Variants in SSBP2 observed in about 807,000 individuals in gnomAD.
The protein encoded by SSBP2 is single stranded DNA binding protein 2.
Under a neutral mutation model 61.8 loss-of-function variants are expected in SSBP2, and 17 were observed. The ratio of observed to expected loss-of-function variants is 0.28; its 90% CI spans 0.19 to 0.41. The LOEUF (loss-of-function observed/expected upper bound fraction) is 0.41, where lower values mean the gene tolerates loss of function less well. Ranked by LOEUF, SSBP2 falls within the 10% of genes least tolerant of loss-of-function variation. The probability of loss-of-function intolerance (pLI) is 1.00; values close to 1 mark genes in which losing one functional copy is unlikely to be tolerated. For missense variants in SSBP2, 310 were observed against 458.7 expected, an observed-to-expected ratio of 0.68 and a Z score of 2.96; for synonymous variants, 139 against 141.3, an observed-to-expected ratio of 0.98 and a Z score of 0.12.
At position 81,416,899 on chromosome 5, in the gene SSBP2, T is replaced by C. The variant is rs1453105867; in HGVS notation, c.*3605A>G. The C allele has an allele frequency of 6.6e-6, 1 of 152,256 alleles. No homozygotes were observed. The allele number at this position is 152,256 out of a possible 1,614,324, so 9.4% of individuals were successfully genotyped here. A position where few individuals can be genotyped will look rare whatever the true frequency, so the allele number is the denominator to read the frequency against. On this transcript the variant is annotated 3_prime_UTR_variant, in exon 17 of 17. Transcript: ENST00000320672. The stretch of plus-strand genomic sequence containing the variant: ...ATTTTTGAGATGGAGTCTTGCTCTG[T>C]CACCCAGGCTGGAGTGCAGTGGCAC...
intron 1 of SSBP2, among the ~76,000 whole-genome samples, chr5:81,671,629 A>C (rs565593200): frequency 4.8e-4 from 73 of 152,292 alleles, no homozygotes; most frequent in Middle Eastern, 3.4e-3. Context: ...CACCATCAAC[A>C]GTTTAGTAAG....
chr5:81,433,592 T>TAAAAAAAA (rs532034844), intron 15 of SSBP2, among the ~76,000 whole-genome samples: 1 of 104,000 alleles, frequency 9.6e-6, no homozygotes, highest in African/African-American at 3.3e-5. Context: ...GAATGATCAA[T>TAAAAAAAA]AAAAAAAAAA....
chr5:81,549,276 A>T (rs573212523), intron 4 of SSBP2, among the ~76,000 whole-genome samples: 1 of 152,172 alleles, frequency 6.6e-6, no homozygotes, highest in Non-Finnish European at 1.5e-5. Flanking sequence ...CTTTCTCTTC[A>T]TCAATCAATC....
chr5:81,725,440 G>T (rs751700857), intron 1 of SSBP2, among the ~76,000 whole-genome samples: 1 of 152,078 alleles, frequency 6.6e-6, no homozygotes, highest in Non-Finnish European at 1.5e-5. Context: ...CAGACATTCT[G>T]GAAATCAAGT....
At chr5:81,665,597 G>A (rs935818881) in intron 1 of SSBP2, among the ~76,000 whole-genome samples, 9 of 152,120 alleles carry the variant, frequency 5.9e-5, no homozygotes, top group East Asian at 1.9e-4. Flanking sequence ...AGGTTCAAGC[G>A]ATCCTCCTGC....
At chr5:81,511,468 A>G (rs1479274020) in intron 5 of SSBP2, among the ~76,000 whole-genome samples, 2 of 152,168 alleles carry the variant, frequency 1.3e-5, no homozygotes, top group Non-Finnish European at 2.9e-5. Context: ...GCTATAGCAT[A>G]TCTTTTCAAT....
At chr5:81,744,664 T>C (rs183320904) in intron 1 of SSBP2, among the ~76,000 whole-genome samples, 1 of 152,106 alleles carries the variant, frequency 6.6e-6, no homozygotes, top group East Asian at 1.9e-4. Context: ...TTTTCTGTGC[T>C]GAACTACTTG....
intron 4 of SSBP2, among the ~76,000 whole-genome samples, chr5:81,567,607 A>G (rs534382982): frequency 1.2e-4 from 17 of 140,356 alleles, no homozygotes; most frequent in Non-Finnish European, 2.4e-4. Flanking sequence ...ACCTATGAGA[A>G]GAAGGCCACC....
intron 1 of SSBP2, among the ~76,000 whole-genome samples, chr5:81,704,908 C>T (rs1176570360): frequency 6.7e-6 from 1 of 150,028 alleles, no homozygotes; most frequent in African/African-American, 2.5e-5. Flanking sequence ...GAATATTTAA[C>T]GTGTTAATCT....
chr5:81,545,335 T>C (rs774636602), intron 4 of SSBP2, among the ~76,000 whole-genome samples: 6 of 152,208 alleles, frequency 3.9e-5, no homozygotes, highest in Non-Finnish European at 8.8e-5. Flanking sequence ...AATAAACTTT[T>C]ATTGTATTAA....
chr5:81,619,588 T>A (rs573182056), intron 3 of SSBP2, among the ~76,000 whole-genome samples: 1 of 148,208 alleles, frequency 6.7e-6, no homozygotes, highest in Admixed American at 6.7e-5. Context: ...GAGGGAATCC[T>A]CCCTAACTCA....
chr5:81,639,656 C>T (rs1208376957), intron 2 of SSBP2, among the ~76,000 whole-genome samples: 1 of 151,838 alleles, frequency 6.6e-6, no homozygotes, highest in Non-Finnish European at 1.5e-5. Context: ...TAAGTATATG[C>T]CTTAGTTTTT....
intron 4 of SSBP2, among the ~76,000 whole-genome samples, chr5:81,603,031 C>T (rs991422388): frequency 6.6e-6 from 1 of 152,178 alleles, no homozygotes; most frequent in Non-Finnish European, 1.5e-5. Context: ...AGCAACACCC[C>T]ACTTCCAATA....
At chr5:81,603,618 A>T (rs1744596920) in intron 4 of SSBP2, among the ~76,000 whole-genome samples, 1 of 152,228 alleles carries the variant, frequency 6.6e-6, no homozygotes, top group South Asian at 2.1e-4. Context: ...GGCTCAAGGT[A>T]AAAACTGTTG....
At chr5:81,550,175 A>G (rs1772061961) in intron 4 of SSBP2, among the ~76,000 whole-genome samples, 1 of 152,252 alleles carries the variant, frequency 6.6e-6, no homozygotes, top group Non-Finnish European at 1.5e-5. Flanking sequence ...GTAATTAACT[A>G]TATTTTATGC....
Position 81,449,196 on chromosome 5 carries a change from T to C in SSBP2, c.688-371A>G, listed in dbSNP as rs1304735300. Reference sequence around the variant, plus strand: ...AAATTAGTAGTATTTACACATACAATTTCTAAGCTATGCAAAAAAAGTTTG... The same window carrying C: ...AAATTAGTAGTATTTACACATACAACTTCTAAGCTATGCAAAAAAAGTTTG... On this transcript the variant is annotated intron_variant, in intron 10 of 16. Transcript: ENST00000320672. 2.0e-5 allele frequency among the ~76,000 whole-genome samples: 3 copies of C among 152,188 alleles called. No individual in the cohort carries two copies. In the East Asian group the frequency reaches 5.8e-4, roughly 29 times the overall value.
At chr5:81,474,591 C>A in intron 6 of SSBP2, 29 bp from the exon 7 acceptor site, 1 of 1,518,184 alleles carries the variant, frequency 6.6e-7, no homozygotes. Flanking sequence ...AAATAAAGAG[C>A]AATATTGTAA....
intron 4 of SSBP2, among the ~76,000 whole-genome samples, chr5:81,519,392 T>C (rs1183293269): frequency 1.3e-5 from 2 of 152,196 alleles, no homozygotes; most frequent in Non-Finnish European, 2.9e-5. Context: ...AGGTCCACTG[T>C]AGCAGGTGTG....
At chr5:81,515,885 G>A (rs1426486848) in intron 4 of SSBP2, among the ~76,000 whole-genome samples, 1 of 151,326 alleles carries the variant, frequency 6.6e-6, no homozygotes, top group African/African-American at 2.4e-5. Flanking sequence ...TTCATCTTAT[G>A]CTTTAAATTT....
Sources: gnomAD v4.1 joint callset for allele counts (sites outside exome capture counted in the v4.1 genomes callset) on GRCh38, gnomAD v4.1.1 for gene constraint, MANE v1.5 for transcripts, NCBI Gene and HGNC (gene_info 2026-07-23, HGNC 2026-07-21) for gene names.